NUP214: variants seen among roughly 807,000 people sequenced by gnomAD.
The protein encoded by NUP214 is nucleoporin 214, also known as nuclear pore complex protein Nup214.
In NUP214, 79 loss-of-function variants were observed where a neutral mutation model predicts 196.2. That is an observed-to-expected ratio of 0.40 (90% CI 0.34 to 0.49). The LOEUF (loss-of-function observed/expected upper bound fraction) is 0.49, where lower values mean the gene tolerates loss of function less well. Ranked by LOEUF, NUP214 falls within the 20% of genes least tolerant of loss-of-function variation. The pLI, the probability that NUP214 is intolerant of heterozygous loss-of-function variation, is 0.58. For missense variants in NUP214, 2,468 were observed against 2,539.0 expected, an observed-to-expected ratio of 0.97 and a Z score of 0.60; for synonymous variants, 1,020 against 990.5, an observed-to-expected ratio of 1.03 and a Z score of -0.56.
chr9:131,192,441 G>GTT (rs1183208850), intron 27 of NUP214, 149 bp downstream of exon 27: 1 of 474,448 alleles, frequency 2.1e-6, no homozygotes, highest in African/African-American at 2.0e-5. Context: ...AGTGGCAATA[G>GTT]TTTAATGTTC....
chr9:131,127,621 A>G lies in NUP214; in HGVS notation c.143A>G (p.Tyr48Cys), dbSNP rs1367861884. The change falls in exon 2 of 36, where the codon TAT (tyrosine) becomes TGT (cysteine). Residue 48 changes from tyrosine (Y) to cysteine (C), a missense_variant. Tyr to Cys is a radical substitution (Grantham distance 194). Coordinates refer to ENST00000359428, the MANE Select transcript of NUP214 (RefSeq NM_005085.4). Reference protein sequence around the residue: ...RSSLLAVSNKYGLVFAGGASG... With the variant: ...RSSLLAVSNKCGLVFAGGASG... ...AGTCTGCTTGCTGTGTCCAACAAAT[A>G]TGGTCTGGTCTTCGCTGGTGGAGCC... is the stretch of plus-strand genomic sequence containing the variant. 2 of 1,614,156 alleles carry G rather than the reference A, an allele frequency of 1.2e-6. No individual in the cohort carries two copies. The highest frequency in any genetic ancestry group is 8.5e-7 in the Non-Finnish European group (1 of 1,180,010).
In NUP214 at chr9:131,144,467, G is replaced by T. The variant is rs147598578; in HGVS notation, c.1482G>T (p.Thr494=). Residue 494 remains threonine (T), a synonymous_variant, in exon 12 of 36, where the codon ACG becomes ACT. Transcript: ENST00000359428. The part of the protein sequence containing the change: ...FGSSSLKSSA[T]VTGEPPSYSS... ...CTTCATCTTTGAAGTCATCTGCTAC[G>T]GTCACTGGGGAGCCCCCTTCATATT... The T allele has an allele frequency of 2.1e-5, 34 of 1,614,088 alleles. No homozygotes were observed. In the African/African-American group the frequency reaches 4.1e-4, roughly 20 times the overall value.
Position 131,125,604 on chromosome 9 carries a change from C to A in NUP214, c.-101C>A. 6.5e-7 allele frequency: 1 copy of A among 1,548,752 alleles called. No individual in the cohort carries two copies. Among genetic ancestry groups the A allele is most frequent in the Non-Finnish European group, 8.7e-7 (1 of 1,145,312 alleles). Reference sequence around the variant, plus strand: ...GAAATGCGAGGTCAACTGCGCGCCGCTGGCGCTGAGGGGAGGAAGTTTGCT... The same window carrying A: ...GAAATGCGAGGTCAACTGCGCGCCGATGGCGCTGAGGGGAGGAAGTTTGCT... On this transcript the variant is annotated 5_prime_UTR_variant, in exon 1 of 36. It adds an upstream start codon to the 5' untranslated region. Transcript: ENST00000359428. This position sits in a 1 kb window ranked among gnomAD's most constrained non-coding sequence, Gnocchi z 4.1.
At chr9:131,188,313 G>A (rs1833511626) in intron 25 of NUP214, among the ~76,000 whole-genome samples, 1 of 152,200 alleles carries the variant, frequency 6.6e-6, no homozygotes, top group South Asian at 2.1e-4. Flanking sequence ...AGGTGATATT[G>A]CAAACAGTTA....
chr9:131,158,922 T>G (rs1832541027), intron 17 of NUP214: 1 of 152,812 alleles, frequency 6.5e-6, no homozygotes, highest in African/African-American at 2.4e-5. Flanking sequence ...AATTTTTGTG[T>G]TTTTAGTAGA....
Position 131,134,891 on chromosome 9 carries a change from A to G in NUP214, c.832-7A>G, listed in dbSNP as rs377415737. 2.6e-5 allele frequency: 41 copies of G among 1,601,700 alleles called. No homozygotes were observed. Among genetic ancestry groups the G allele is most frequent in the Non-Finnish European group, 3.3e-5 (39 of 1,169,782 alleles). On this transcript the variant is annotated splice_region_variant and splice_polypyrimidine_tract_variant and intron_variant, in intron 7 of 35. Coordinates refer to ENST00000359428, the MANE Select transcript of NUP214 (RefSeq NM_005085.4). ...GAGAATTTTTTTTCTTGCTTTGTTC[A>G]TTGTAGAAAAAAGAAGAAAAGCACC...
At chr9:131,163,392 CTG>C in intron 19 of NUP214, 1 of 526,582 alleles carries the variant, frequency 1.9e-6, no homozygotes. Context: ...TAAATTAAGT[CTG>C]TAAAATATTA....
At chr9:131,204,175 T>G (rs918612876) in intron 30 of NUP214, among the ~76,000 whole-genome samples, 1 of 152,176 alleles carries the variant, frequency 6.6e-6, no homozygotes, top group Non-Finnish European at 1.5e-5. Context: ...GAAATCACCT[T>G]TGCACAGACT....
At chr9:131,130,142 T>TTG (rs1554728071) in intron 4 of NUP214, among the ~76,000 whole-genome samples, 11 of 103,506 alleles carry the variant, frequency 1.1e-4, no homozygotes, top group Non-Finnish European at 1.9e-4. Flanking sequence ...GTTTTGTTTT[T>TTG]TTTTTTTTGT....
intron 32 of NUP214, among the ~76,000 whole-genome samples, chr9:131,226,993 C>T (rs1044363268): frequency 2.0e-5 from 3 of 152,198 alleles, no homozygotes; most frequent in Admixed American, 6.5e-5. Context: ...CCATTACTCC[C>T]GCTAGCACGC....
At chr9:131,133,296 G>GTTTT in intron 7 of NUP214, 87 bp downstream of exon 7, 2 of 645,798 alleles carry the variant, frequency 3.1e-6, no homozygotes, top group Non-Finnish European at 2.3e-6. Flanking sequence ...GGGTTTTTTT[G>GTTTT]TGTTTGTGTT....
intron 29 of NUP214, 123 bp from the exon 30 acceptor site, chr9:131,201,524 C>G (rs1328359243): frequency 1.7e-5 from 12 of 688,422 alleles, no homozygotes; most frequent in Non-Finnish European, 2.0e-5. Flanking sequence ...AAGATCCCAC[C>G]ATTGCACTCC....
rs368736772 is a variant in NUP214, at chr9:131,125,704, G to A, written c.-1G>A. ...TGCTTCGACACACTGAGGGCGGCGC[G>A]ATGGGAGACGAGATGGATGCCATGA... On this transcript the variant is annotated 5_prime_UTR_variant, in exon 1 of 36. Transcript: ENST00000359428. The surrounding 1 kb of genome is among the most constrained non-coding windows in gnomAD (Gnocchi z 4.1). 1.1e-5 allele frequency: 17 copies of A among 1,551,064 alleles called. No individual in the cohort carries two copies. The highest frequency in any genetic ancestry group is 2.5e-5 in the East Asian group (1 of 40,608).
At position 131,129,333 on chromosome 9, in the gene NUP214, G is replaced by A; in HGVS notation, c.448G>A (p.Gly150Ser). The change falls in exon 4 of 36, where the codon GGC (glycine) becomes AGC (serine). Residue 150 changes from glycine (G) to serine (S), a missense_variant. This residue lies in a region of NUP214 where 392 missense variants were observed against 417.9 expected (regional missense o/e 0.94). Coordinates refer to ENST00000359428, the MANE Select transcript of NUP214 (RefSeq NM_005085.4). ...TCATAAGCTTTTGAAAGATGCAGGA[G>A]GCATGGTGATTGATATGAAGTGGAA... ...AYHKLLKDAGGMVIDMKWNPT... is the reference protein window; with the variant it reads ...AYHKLLKDAGSMVIDMKWNPT... 1.2e-6 allele frequency: 2 copies of A among 1,614,194 alleles called. No individual in the cohort carries two copies. Among genetic ancestry groups the A allele is most frequent in the Non-Finnish European group, 1.7e-6 (2 of 1,180,038 alleles).
chr9:131,232,403 G>A lies in NUP214; in HGVS notation c.6239+95G>A, dbSNP rs1361486463. ...TGCTGGATTTGTGCATTTTCTTTTC[G>A]TTTTTTCCTGTTTTTAGAGTTTGTC... On this transcript the variant is annotated intron_variant, in intron 35 of 35. Coordinates refer to ENST00000359428, the MANE Select transcript of NUP214 (RefSeq NM_005085.4). The surrounding 1 kb of genome is among the most constrained non-coding windows in gnomAD (Gnocchi z 5.1). The A allele has an allele frequency of 1.2e-5, 16 of 1,307,198 alleles. No individual in the cohort carries two copies. The highest frequency in any genetic ancestry group is 4.6e-5 in the East Asian group (2 of 43,208). 81.0% of individuals were successfully genotyped at this position (1,307,198 alleles called of 1,614,324 possible). A position where few individuals can be genotyped will look rare whatever the true frequency, so the allele number is the denominator to read the frequency against.
chr9:131,216,763 G>A (rs1157073704), intron 31 of NUP214, among the ~76,000 whole-genome samples: 1 of 148,428 alleles, frequency 6.7e-6, no homozygotes, highest in Non-Finnish European at 1.5e-5. Flanking sequence ...CTGACCTCAG[G>A]TGATCCGCCC....
Position 131,188,647 on chromosome 9 carries a change from A to C in NUP214, c.3496-406A>C, listed in dbSNP as rs74644719. Among the ~76,000 whole-genome samples, 690 of 152,382 alleles carry C rather than the reference A, an allele frequency of 4.5e-3. 4 individuals are homozygous for C. The highest frequency in any genetic ancestry group is 6.8e-3 in the Non-Finnish European group (461 of 68,042). On this transcript the variant is annotated intron_variant, in intron 25 of 35. Transcript: ENST00000359428. ...TGGCGAGTGAAGGAACATTGACTGG[A>C]GATGGATAAGTCAGTTTTGCTTTTA...
At chr9:131,143,059 T>C (rs2133486076) in intron 11 of NUP214, among the ~76,000 whole-genome samples, 1 of 152,274 alleles carries the variant, frequency 6.6e-6, no homozygotes, top group South Asian at 2.1e-4. Context: ...CAGGCTGGAG[T>C]GTAGTGGCAG....
At chr9:131,131,791 T>G (rs1831551144) in intron 5 of NUP214, among the ~76,000 whole-genome samples, 1 of 151,918 alleles carries the variant, frequency 6.6e-6, no homozygotes, top group East Asian at 1.9e-4. Context: ...TGGGCTCAGG[T>G]GATCCTTCCA....
Sources: gnomAD v4.1 joint callset for allele counts (sites outside exome capture counted in the v4.1 genomes callset) on GRCh38, gnomAD v4.1.1 for gene constraint, gnomAD v4.1.1 regional missense constraint, Gnocchi (gnomAD v3.1) non-coding constraint, MANE v1.5 for transcripts, NCBI Gene and HGNC (gene_info 2026-07-23, HGNC 2026-07-21) for gene names.